GRID1: variants seen among roughly 807,000 people sequenced by gnomAD.
GRID1 encodes glutamate receptor ionotropic, delta-1.
GRID1 carries 28 observed loss-of-function variants against 98.0 expected under a neutral mutation model. The observed-to-expected ratio is 0.29, with a 90% CI of 0.21 to 0.39. The LOEUF (loss-of-function observed/expected upper bound fraction) is 0.39. Ranked by LOEUF, GRID1 falls within the 10% of genes least tolerant of loss-of-function variation. The pLI, the probability that GRID1 is intolerant of heterozygous loss-of-function variation, is 1.00. For missense variants in GRID1, 1,111 were observed against 1,340.5 expected (o/e 0.83, Z 2.67); for synonymous variants, 553 against 538.5 (o/e 1.03, Z -0.37).
In GRID1 at chr10:86,365,432, ACCCACTCCCCCTCGGCGCG is replaced by A. The variant is rs1329460500; in HGVS notation, c.79+863_79+881del. Among the ~76,000 whole-genome samples the A allele has an allele frequency of 1.9e-4, 25 of 130,304 alleles. No individual in the cohort carries two copies. The highest frequency in any genetic ancestry group is 3.9e-4 in the African/African-American group (13 of 33,338). 85.5% of individuals were successfully genotyped at this position (130,304 alleles called of 152,430 possible). ...TCCTCCCGTGTTGCTCCCAACTCCC[ACCCACTCCCCCTCGGCGCG>A]CCCACTCCCCCTCGGCGCGCCCCCT... On this transcript the variant is annotated intron_variant, in intron 1 of 15. Coordinates refer to ENST00000327946, the MANE Select transcript of GRID1 (RefSeq NM_017551.3). This position sits in a 1 kb window ranked among gnomAD's most constrained non-coding sequence, Gnocchi z 4.8.
At chr10:85,742,486 A>G (rs1841953996) in intron 8 of GRID1, among the ~76,000 whole-genome samples, 1 of 152,222 alleles carries the variant, frequency 6.6e-6, no homozygotes, top group South Asian at 2.1e-4. Context: ...TTACATATTT[A>G]AAAGCACTAC....
intron 2 of GRID1, among the ~76,000 whole-genome samples, chr10:86,286,448 C>A (rs989724719): frequency 2.0e-5 from 3 of 152,176 alleles, no homozygotes; most frequent in Non-Finnish European, 4.4e-5. Context: ...CCCTTCCCTG[C>A]CTTTTTACTA....
intron 3 of GRID1, among the ~76,000 whole-genome samples, chr10:86,155,288 G>C (rs1036058980): frequency 8.5e-5 from 13 of 152,208 alleles, no homozygotes; most frequent in Admixed American, 2.0e-4. Flanking sequence ...GGCTGTCGAC[G>C]GCCAACCTGC....
intron 3 of GRID1, among the ~76,000 whole-genome samples, chr10:86,144,945 C>T (rs1203563194): frequency 6.6e-6 from 1 of 152,222 alleles, no homozygotes; most frequent in Non-Finnish European, 1.5e-5. Flanking sequence ...TCACCTCCTC[C>T]CTAGGACTCA....
chr10:85,901,093 A>T (rs1330725492), intron 5 of GRID1, among the ~76,000 whole-genome samples: 1 of 152,230 alleles, frequency 6.6e-6, no homozygotes, highest in Non-Finnish European at 1.5e-5. Flanking sequence ...ATAACAAGTA[A>T]CAAGAGGAAT....
chr10:85,947,282 C>T (rs1329576252), intron 4 of GRID1, among the ~76,000 whole-genome samples: 1 of 152,206 alleles, frequency 6.6e-6, no homozygotes, highest in East Asian at 1.9e-4. Context: ...TTGTTACCCA[C>T]ACAGAGCTGT....
Position 85,599,802 on chromosome 10 carries a change from A to AAAAAAAAAAAAAT in GRID1, c.*2470_*2471insATTTTTTTTTTTT. The AAAAAAAAAAAAAT allele has an allele frequency of 1.4e-4, 9 of 64,982 alleles. No homozygotes were observed. The highest frequency in any genetic ancestry group is 5.6e-4 in the African/African-American group (6 of 10,732). 4.0% of individuals were successfully genotyped at this position (64,982 alleles called of 1,614,324 possible). The stretch of plus-strand genomic sequence containing the variant: ...GTAGAAAATTCTAAAAAAAAAAAAA[A>AAAAAAAAAAAAAT]ATATATATATATATATATAAACATG... On this transcript the variant is annotated 3_prime_UTR_variant, in exon 16 of 16. Coordinates refer to ENST00000327946, the MANE Select transcript of GRID1 (RefSeq NM_017551.3).
At chr10:86,061,484 C>T (rs1843648224) in intron 4 of GRID1, among the ~76,000 whole-genome samples, 1 of 152,158 alleles carries the variant, frequency 6.6e-6, no homozygotes, top group Admixed American at 6.6e-5. Flanking sequence ...TCGCCCTCTC[C>T]AATCTGTCCT....
chr10:86,004,883 G>A (rs973473169), intron 4 of GRID1, among the ~76,000 whole-genome samples: 1 of 152,038 alleles, frequency 6.6e-6, no homozygotes, highest in African/African-American at 2.4e-5. Flanking sequence ...CTCCTTTCTG[G>A]AATCTTGAGA....
At chr10:85,737,674 A>ATATATATATATATATATATATATATATAT (rs56121431) in intron 8 of GRID1, among the ~76,000 whole-genome samples, 1 of 115,184 alleles carries the variant, frequency 8.7e-6, no homozygotes, top group Non-Finnish European at 1.8e-5. Flanking sequence ...ATATATATAT[A>ATATATATATATATATATATATATATATAT]AACATATATG....
intron 12 of GRID1, among the ~76,000 whole-genome samples, chr10:85,655,562 C>A (rs999495344): frequency 3.9e-5 from 6 of 152,296 alleles, no homozygotes; most frequent in African/African-American, 1.4e-4. Flanking sequence ...AAGCTAAACA[C>A]CAGCATGGTG....
chr10:86,331,188 C>G (rs959382113), intron 2 of GRID1, among the ~76,000 whole-genome samples: 9 of 152,240 alleles, frequency 5.9e-5, no homozygotes, highest in Non-Finnish European at 7.3e-5. Context: ...TTCCACCTTT[C>G]CCCCATCCCT....
At chr10:85,867,832 C>T (rs1486259206) in intron 6 of GRID1, among the ~76,000 whole-genome samples, 4 of 152,244 alleles carry the variant, frequency 2.6e-5, no homozygotes, top group Admixed American at 2.0e-4. Context: ...TCAATGTCTG[C>T]TGTGTTTCCA....
intron 8 of GRID1, among the ~76,000 whole-genome samples, chr10:85,772,216 A>G (rs968440934): frequency 2.6e-5 from 4 of 152,160 alleles, no homozygotes; most frequent in African/African-American, 9.7e-5. Flanking sequence ...CTGCTCCTGA[A>G]TGACTACTGG....
chr10:86,007,337 T>C (rs907217360), intron 4 of GRID1, among the ~76,000 whole-genome samples: 9 of 152,182 alleles, frequency 5.9e-5, no homozygotes, highest in African/African-American at 9.7e-5. Flanking sequence ...ATCCTCAGGT[T>C]CTTGAGTTCC....
chr10:85,652,373 A>G (rs1843283398), intron 12 of GRID1, among the ~76,000 whole-genome samples: 1 of 152,282 alleles, frequency 6.6e-6, no homozygotes. Context: ...ACTTGTAACA[A>G]GAGCAGAATC....
At chr10:86,360,256 C>A (rs915495358) in intron 2 of GRID1, among the ~76,000 whole-genome samples, 2 of 151,976 alleles carry the variant, frequency 1.3e-5, no homozygotes, top group African/African-American at 4.8e-5. Flanking sequence ...CAGAAAAGGC[C>A]AATGATGTTA....
At chr10:86,140,727 C>T (rs1030644107) in intron 3 of GRID1, among the ~76,000 whole-genome samples, 1 of 152,234 alleles carries the variant, frequency 6.6e-6, no homozygotes, top group Non-Finnish European at 1.5e-5. Flanking sequence ...CTGAAGCCCT[C>T]AGGCAAATCA....
intron 5 of GRID1, among the ~76,000 whole-genome samples, chr10:85,894,490 T>C (rs954710311): frequency 6.6e-6 from 1 of 152,078 alleles, no homozygotes; most frequent in Non-Finnish European, 1.5e-5. Flanking sequence ...TAGGTAGAGG[T>C]AGAAATTATA....
Sources: gnomAD v4.1 joint callset for allele counts (sites outside exome capture counted in the v4.1 genomes callset) on GRCh38, gnomAD v4.1.1 for gene constraint, Gnocchi (gnomAD v3.1) non-coding constraint, MANE v1.5 for transcripts, NCBI Gene and HGNC (gene_info 2026-07-23, HGNC 2026-07-21) for gene names.